TMEM268: variants seen among roughly 807,000 people sequenced by gnomAD.
TMEM268 encodes the protein transmembrane protein 268, also known as transmembrane protein C9orf91.
A neutral mutation model predicts 39.1 loss-of-function variants in TMEM268; 24 were observed. That is an observed-to-expected ratio of 0.61 (90% CI 0.44 to 0.86). TMEM268 has a LOEUF of 0.86. TMEM268 is among the 40% of genes least tolerant of loss of function. TMEM268 has a pLI of 0.00. For synonymous variants in TMEM268, 176 were observed against 173.5 expected (o/e 1.01, Z -0.12); for missense variants, 409 against 428.6 (o/e 0.95, Z 0.40).
At chr9:114,611,952 C>T (rs1399869043) in intron 1 of TMEM268, among the ~76,000 whole-genome samples, 1 of 152,208 alleles carries the variant, frequency 6.6e-6, no homozygotes, top group Non-Finnish European at 1.5e-5. Flanking sequence ...CGTGAAGGAG[C>T]CTGGGTTTCA....
At chr9:114,624,190 C>T in intron 2 of TMEM268, 160 bp from the exon 3 acceptor site, 2 of 1,408,002 alleles carry the variant, frequency 1.4e-6, no homozygotes, top group Non-Finnish European at 1.9e-6. Flanking sequence ...CAGTCAAATC[C>T]AGTCCTTCTC....
chr9:114,617,334 T>C, intron 2 of TMEM268, 33 bp downstream of exon 2: 3 of 1,521,326 alleles, frequency 2.0e-6, no homozygotes, highest in Non-Finnish European at 2.7e-6. Flanking sequence ...TCCACCTTCT[T>C]TCTACCTCAT....
intron 2 of TMEM268, among the ~76,000 whole-genome samples, chr9:114,618,759 C>T (rs1233538799): frequency 1.3e-5 from 2 of 152,160 alleles, no homozygotes; most frequent in African/African-American, 4.8e-5. Flanking sequence ...CAGCCTAAGT[C>T]AGGACCCTCT....
intron 6 of TMEM268, among the ~76,000 whole-genome samples, chr9:114,635,066 C>T (rs192655879): frequency 7.2e-5 from 11 of 152,178 alleles, no homozygotes; most frequent in East Asian, 1.9e-4. Flanking sequence ...ATGGGCTGGG[C>T]GTGGTGGCTC....
At chr9:114,625,241 G>T (rs1178212503) in intron 3 of TMEM268, among the ~76,000 whole-genome samples, 3 of 152,064 alleles carry the variant, frequency 2.0e-5, no homozygotes, top group African/African-American at 4.8e-5. Flanking sequence ...ATTGTCTCTA[G>T]TATATAGTAA....
At chr9:114,619,354 A>G (rs1357292469) in intron 2 of TMEM268, among the ~76,000 whole-genome samples, 2 of 152,070 alleles carry the variant, frequency 1.3e-5, no homozygotes, top group African/African-American at 4.8e-5. Flanking sequence ...AGCTTTACTT[A>G]GCCTAGGTGT....
chr9:114,625,557 G>A (rs1271116889), intron 3 of TMEM268, among the ~76,000 whole-genome samples: 1 of 149,544 alleles, frequency 6.7e-6, no homozygotes, highest in African/African-American at 2.5e-5. Flanking sequence ...TGATTCTGAT[G>A]CCTCAGCCTC....
intron 5 of TMEM268, among the ~76,000 whole-genome samples, chr9:114,629,025 A>G (rs985596653): frequency 1.3e-5 from 2 of 152,224 alleles, no homozygotes; most frequent in African/African-American, 4.8e-5. Flanking sequence ...CTCACTTTGC[A>G]GTCGAGGAAC....
At chr9:114,612,124 G>T in intron 1 of TMEM268, among the ~76,000 whole-genome samples, 1 of 152,164 alleles carries the variant, frequency 6.6e-6, no homozygotes, top group Non-Finnish European at 1.5e-5. Context: ...GTCTCGTGTT[G>T]TGTTTTTCAC....
rs1827554756 is a variant in TMEM268 at position 114,645,931 on chromosome 9, C to T, written c.*2618C>T. 6.6e-6 allele frequency: 1 copy of T among 152,000 alleles called. No homozygotes were observed. Among genetic ancestry groups the T allele is most frequent in the Admixed American group, 6.6e-5 (1 of 15,250 alleles). 9.4% of individuals were successfully genotyped at this position (152,000 alleles called of 1,614,324 possible). A position where few individuals can be genotyped will look rare whatever the true frequency, so the allele number is the denominator to read the frequency against. On this transcript the variant is annotated 3_prime_UTR_variant, in exon 9 of 9. Transcript: ENST00000288502. ...AGATCGCATACTACACACAGGAATG[C>T]TCATCAGTTTTTAAATTTTATTTAA...
At chr9:114,635,357 A>T (rs1294472620) in intron 6 of TMEM268, among the ~76,000 whole-genome samples, 11 of 151,506 alleles carry the variant, frequency 7.3e-5, no homozygotes, top group Admixed American at 7.2e-4. Flanking sequence ...CTCAAAAAAA[A>T]AAAATAAAAA....
intron 6 of TMEM268, among the ~76,000 whole-genome samples, chr9:114,634,141 T>A (rs994424453): frequency 1.3e-5 from 2 of 152,172 alleles, no homozygotes; most frequent in African/African-American, 4.8e-5. Context: ...GCTGCTCACC[T>A]GGCATTTATT....
chr9:114,637,288 CTTTT>C lies in TMEM268; in HGVS notation c.666+234_666+237del, dbSNP rs33946644. 7.9e-5 allele frequency among the ~76,000 whole-genome samples: 10 copies of C among 127,318 alleles called. No homozygotes were observed. In the South Asian group the frequency reaches 1.2e-3, roughly 16 times the overall value. The allele number at this position is 127,318 out of a possible 152,430, so 83.5% of individuals were successfully genotyped here. A position where few individuals can be genotyped will look rare whatever the true frequency, so the allele number is the denominator to read the frequency against. ...TTCCTATGGTGAGCATATATTTCTT[CTTTT>C]TTTTTTTTTTTTTTTCCTGAGACAG... On this transcript the variant is annotated intron_variant, in intron 7 of 8. Coordinates refer to ENST00000288502, the MANE Select transcript of TMEM268 (RefSeq NM_153045.4).
At chr9:114,639,481 G>A (rs535713001) in intron 8 of TMEM268, among the ~76,000 whole-genome samples, 1 of 152,136 alleles carries the variant, frequency 6.6e-6, no homozygotes, top group Non-Finnish European at 1.5e-5. Flanking sequence ...TCTTGGCTAT[G>A]GCTAAGCACT....
At chr9:114,641,367 A>G (rs1208297819) in intron 8 of TMEM268, among the ~76,000 whole-genome samples, 2 of 152,206 alleles carry the variant, frequency 1.3e-5, no homozygotes, top group African/African-American at 2.4e-5. Context: ...CTCTACAGAC[A>G]TACCTAGCGT....
rs771879810 is a variant in TMEM268 at position 114,637,079 on chromosome 9, T to C, written c.666+9T>C. Reference sequence around the variant, plus strand: ...TGAAGACTAGCCAAGAGGTAAGATATCTTCAGTGAAAAAACAAAACAAAAA... The same window carrying C: ...TGAAGACTAGCCAAGAGGTAAGATACCTTCAGTGAAAAAACAAAACAAAAA... On this transcript the variant is annotated intron_variant, in intron 7 of 8. Transcript: ENST00000288502. 1 of 1,580,728 alleles carries C rather than the reference T, an allele frequency of 6.3e-7. No individual in the cohort carries two copies. Among genetic ancestry groups the C allele is most frequent in the African/African-American group, 1.3e-5 (1 of 74,356 alleles).
intron 4 of TMEM268, 75 bp from the exon 5 acceptor site, chr9:114,628,026 G>A: frequency 6.5e-7 from 1 of 1,534,240 alleles, no homozygotes; most frequent in Non-Finnish European, 9.0e-7. Flanking sequence ...GTGTCTGAAA[G>A]GTGTCCCTTT....
chr9:114,636,995 G>C lies in TMEM268; in HGVS notation c.591G>C (p.Trp197Cys). The C allele has an allele frequency of 6.2e-7, 1 of 1,613,040 alleles. No individual in the cohort carries two copies. The highest frequency in any genetic ancestry group is 8.5e-7 in the Non-Finnish European group (1 of 1,179,164). The change falls in exon 7 of 9, where the codon TGG becomes TGC. Residue 197 changes from tryptophan to cysteine, a missense_variant. Trp to Cys is a radical substitution (Grantham distance 215, BLOSUM62 -2). Transcript: ENST00000288502. ...ACTGCTGCTTCTCCCCACAGCTTTG[G>C]TTTGTCTACTTCGACCTGGAGAACT... The part of the protein sequence containing the change: ...VEGCQSVIQL[W>C]FVYFDLENCV...
At chr9:114,641,735 A>G (rs1486222745) in intron 8 of TMEM268, among the ~76,000 whole-genome samples, 1 of 152,192 alleles carries the variant, frequency 6.6e-6, no homozygotes, top group Admixed American at 6.5e-5. Flanking sequence ...CTCCGGGTTC[A>G]AGTGATTCTC....
Sources: allele counts gnomAD v4.1 joint callset (sites outside exome capture counted in the v4.1 genomes callset), GRCh38; gene constraint gnomAD v4.1.1; transcripts MANE v1.5; gene names NCBI Gene and HGNC (gene_info 2026-07-23, HGNC 2026-07-21).